FAM135B: variants seen among roughly 807,000 people sequenced by gnomAD.
The protein encoded by FAM135B is protein FAM135B.
In FAM135B, 43 loss-of-function variants were observed where a neutral mutation model predicts 127.7. The ratio of observed to expected loss-of-function variants is 0.34; its 90% CI spans 0.26 to 0.43. The LOEUF (loss-of-function observed/expected upper bound fraction) is 0.43. FAM135B is among the 20% of genes least tolerant of loss of function. The pLI is 1.00. For missense variants in FAM135B, 1,558 were observed against 1,725.6 expected (o/e 0.90, Z 1.72); for synonymous variants, 670 against 665.1 (o/e 1.01, Z -0.11).
intron 15 of FAM135B, among the ~76,000 whole-genome samples, chr8:138,144,038 C>T (rs1414424874): frequency 6.6e-6 from 1 of 152,148 alleles, no homozygotes; most frequent in Non-Finnish European, 1.5e-5. Flanking sequence ...GGATCTGTGC[C>T]CTGGACCTGT....
At chr8:138,316,841 G>A (rs1356201526) in intron 2 of FAM135B, among the ~76,000 whole-genome samples, 1 of 151,976 alleles carries the variant, frequency 6.6e-6, no homozygotes, top group Non-Finnish European at 1.5e-5. Flanking sequence ...TAAGCCGGGC[G>A]TGGTGGTGGG....
rs570633342 is a variant in FAM135B at position 138,489,549 on chromosome 8, T to A, written c.-20+7122A>T. On this transcript the variant is annotated intron_variant, in intron 1 of 19. Coordinates refer to ENST00000395297, the MANE Select transcript of FAM135B (RefSeq NM_015912.4). ...TTATATTGCAACCAGAATGGACCAT[T>A]CCAAAATGCATGTTTGTATCTGTCA... Among the ~76,000 whole-genome samples, 45 of 152,316 alleles carry A rather than the reference T, an allele frequency of 3.0e-4. No homozygotes were observed. The South Asian group carries it at 6.6e-3, about 22-fold the overall frequency.
chr8:138,409,489 G>A (rs1833728385), intron 1 of FAM135B, among the ~76,000 whole-genome samples: 1 of 151,962 alleles, frequency 6.6e-6, no homozygotes, highest in East Asian at 1.9e-4. Context: ...ACATGCTGTT[G>A]GAAAAAAATA....
chr8:138,235,855 G>A (rs1371981159), intron 7 of FAM135B, among the ~76,000 whole-genome samples: 1 of 152,188 alleles, frequency 6.6e-6, no homozygotes, highest in Non-Finnish European at 1.5e-5. Flanking sequence ...TGGCAACCTT[G>A]TACGTTTTCT....
At chr8:138,227,284 A>G (rs1173171276) in intron 7 of FAM135B, among the ~76,000 whole-genome samples, 1 of 152,224 alleles carries the variant, frequency 6.6e-6, no homozygotes, top group Non-Finnish European at 1.5e-5. Flanking sequence ...AAATAATAAC[A>G]AAGTCAGCTA....
chr8:138,265,846 C>A lies in FAM135B; in HGVS notation c.158-4G>T. The A allele has an allele frequency of 1.2e-6, 2 of 1,612,814 alleles. No homozygotes were observed. Among genetic ancestry groups the A allele is most frequent in the Non-Finnish European group, 1.7e-6 (2 of 1,179,716 alleles). The stretch of plus-strand genomic sequence containing the variant: ...GCTGAATGCAGGCTGCTGCTCTCTG[C>A]AAAACAAGAATCAGTAGGAACCCAT... On this transcript the variant is annotated splice_region_variant and splice_polypyrimidine_tract_variant and intron_variant, in intron 3 of 19. Coordinates refer to ENST00000395297, the MANE Select transcript of FAM135B (RefSeq NM_015912.4).
chr8:138,234,592 A>G (rs7836849), intron 7 of FAM135B, among the ~76,000 whole-genome samples: 33,620 of 152,176 alleles, frequency 0.22, 4,041 homozygotes, highest in African/African-American at 0.28. Flanking sequence ...GAACCTGAAA[A>G]ACATTTTTTT....
At chr8:138,142,878 T>C (rs939671907) in intron 16 of FAM135B, 134 bp downstream of exon 16, 1 of 595,602 alleles carries the variant, frequency 1.7e-6, no homozygotes, top group African/African-American at 1.9e-5. Flanking sequence ...GCTTTAAAAG[T>C]AATTTATTAA....
chr8:138,243,092 G>T lies in FAM135B; in HGVS notation c.543-24C>A, dbSNP rs775984169. On this transcript the variant is annotated intron_variant, in intron 6 of 19. Transcript: ENST00000395297. The surrounding 1 kb of genome is among the most constrained non-coding windows in gnomAD (Gnocchi z 7.5). ...AACTAAACAAAAGATAATTGAAAGGGTGAAAAAGGAGGTAAAGAAAGTGAT... is the reference window on the plus strand; with the variant it reads ...AACTAAACAAAAGATAATTGAAAGGTTGAAAAAGGAGGTAAAGAAAGTGAT... The T allele has an allele frequency of 9.4e-6, 15 of 1,594,514 alleles. No homozygotes were observed. The East Asian group carries it at 1.3e-4, about 14-fold the overall frequency.
chr8:138,143,078 G>T lies in FAM135B; in HGVS notation c.3572C>A (p.Thr1191Lys). ...MDTFADFDTM[T>K]DRLLDEIIQH... ...AATGATTTCATCCAATAACCGATCC[G>T]TCATAGTATCAAAATCTGCAAATGT... Residue 1191 changes from threonine to lysine, a missense_variant, in exon 16 of 20, where the codon ACG becomes AAG. This residue lies in a region of FAM135B where 194 missense variants were observed against 333.8 expected (regional missense o/e 0.58). Transcript: ENST00000395297. 1 of 1,608,552 alleles carries T rather than the reference G, an allele frequency of 6.2e-7. No individual in the cohort carries two copies. The highest frequency in any genetic ancestry group is 8.5e-7 in the Non-Finnish European group (1 of 1,174,956).
At chr8:138,148,082 A>G (rs1481286026) in intron 14 of FAM135B, among the ~76,000 whole-genome samples, 2 of 152,162 alleles carry the variant, frequency 1.3e-5, no homozygotes, top group African/African-American at 4.8e-5. Flanking sequence ...TTCTTCCTTT[A>G]TTCAGACCAT....
At chr8:138,154,087 G>C (rs1372928172) in intron 12 of FAM135B, among the ~76,000 whole-genome samples, 1 of 152,186 alleles carries the variant, frequency 6.6e-6, no homozygotes, top group Non-Finnish European at 1.5e-5. Flanking sequence ...CTGAGACGAA[G>C]CTTCCAGTGG....
chr8:138,420,747 G>C (rs958716787), intron 1 of FAM135B, among the ~76,000 whole-genome samples: 6 of 152,066 alleles, frequency 3.9e-5, no homozygotes, highest in African/African-American at 1.2e-4. Context: ...AAAAACACAT[G>C]ATCATCTCAA....
intron 1 of FAM135B, among the ~76,000 whole-genome samples, chr8:138,391,546 C>T (rs190001342): frequency 6.6e-6 from 1 of 152,228 alleles, no homozygotes; most frequent in Non-Finnish European, 1.5e-5. Context: ...CTGCAAGCAC[C>T]TACTTCTCCC....
At chr8:138,166,623 A>AT (rs1215653578) in intron 12 of FAM135B, among the ~76,000 whole-genome samples, 1 of 152,208 alleles carries the variant, frequency 6.6e-6, no homozygotes, top group Non-Finnish European at 1.5e-5. Flanking sequence ...TTCCTATGGC[A>AT]TATTTCTGAT....
chr8:138,333,941 A>T (rs1828366089), intron 2 of FAM135B, among the ~76,000 whole-genome samples: 1 of 152,060 alleles, frequency 6.6e-6, no homozygotes, highest in South Asian at 2.1e-4. Flanking sequence ...GGAGGGGGGA[A>T]CGGAGGAGTC....
intron 1 of FAM135B, among the ~76,000 whole-genome samples, chr8:138,435,808 C>T (rs998332933): frequency 1.3e-5 from 2 of 152,098 alleles, no homozygotes; most frequent in Non-Finnish European, 2.9e-5. Flanking sequence ...TCCTATCACC[C>T]CTTTGTTTAA....
intron 1 of FAM135B, among the ~76,000 whole-genome samples, chr8:138,472,261 G>A (rs1322189241): frequency 6.6e-6 from 1 of 152,142 alleles, no homozygotes; most frequent in Non-Finnish European, 1.5e-5. Flanking sequence ...GGCTACAATA[G>A]AGGAAGAGGT....
chr8:138,247,973 A>C (rs951364392), intron 6 of FAM135B, among the ~76,000 whole-genome samples: 3 of 152,304 alleles, frequency 2.0e-5, no homozygotes, highest in African/African-American at 4.8e-5. Context: ...CTGAAGTAGA[A>C]TTGCTTCTTT....
Sources: allele counts gnomAD v4.1 joint callset (sites outside exome capture counted in the v4.1 genomes callset), GRCh38; gene constraint gnomAD v4.1.1; regional missense constraint gnomAD v4.1.1; non-coding constraint Gnocchi (gnomAD v3.1); transcripts MANE v1.5; gene names NCBI Gene and HGNC (gene_info 2026-07-23, HGNC 2026-07-21).